Variants in B3GLCT observed in about 807,000 individuals in gnomAD.
B3GLCT encodes beta 3-glucosyltransferase, also known as beta-1,3-glucosyltransferase.
B3GLCT carries 65 observed loss-of-function variants against 63.4 expected under a neutral mutation model. That is an observed-to-expected ratio of 1.03 (90% CI 0.84 to 1.26). The LOEUF (loss-of-function observed/expected upper bound fraction) is 1.26, where lower values mean the gene tolerates loss of function less well. B3GLCT is among the 50% of genes most tolerant of loss of function. B3GLCT has a pLI of 0.00. For synonymous variants in B3GLCT, 233 were observed against 219.2 expected, an observed-to-expected ratio of 1.06 and a Z score of -0.55; for missense variants, 577 against 604.8, an observed-to-expected ratio of 0.95 and a Z score of 0.48.
At chr13:31,252,030 C>A (rs1423503543) in intron 6 of B3GLCT, among the ~76,000 whole-genome samples, 1 of 152,148 alleles carries the variant, frequency 6.6e-6, no homozygotes, top group African/African-American at 2.4e-5. Context: ...CAGCAGAAAC[C>A]CTACAAGCCA....
chr13:31,255,037 CAAAAAA>C (rs59957215), intron 6 of B3GLCT, among the ~76,000 whole-genome samples: 2 of 130,742 alleles, frequency 1.5e-5, no homozygotes, highest in African/African-American at 2.9e-5. Flanking sequence ...GACGCTGTCT[CAAAAAA>C]AAAAAAAAAA....
intron 7 of B3GLCT, among the ~76,000 whole-genome samples, chr13:31,265,687 A>G (rs966511101): frequency 7.5e-4 from 115 of 152,346 alleles, no homozygotes; most frequent in Non-Finnish European, 2.6e-4. Flanking sequence ...TTAACTACCA[A>G]TAAGATGATT....
At chr13:31,205,579 G>A (rs1868909776) in intron 1 of B3GLCT, among the ~76,000 whole-genome samples, 2 of 151,948 alleles carry the variant, frequency 1.3e-5, no homozygotes, top group South Asian at 4.2e-4. Context: ...AAAAGTTGGC[G>A]GGTCTGGCTA....
chr13:31,236,554 G>C (rs1187527673), intron 4 of B3GLCT, among the ~76,000 whole-genome samples: 1 of 152,130 alleles, frequency 6.6e-6, no homozygotes, highest in East Asian at 1.9e-4. Context: ...TTATACGAAG[G>C]TCGGTTATTG....
At chr13:31,329,139 A>G (rs1304547362) in intron 14 of B3GLCT, among the ~76,000 whole-genome samples, 1 of 152,224 alleles carries the variant, frequency 6.6e-6, no homozygotes, top group African/African-American at 2.4e-5. Context: ...TTTCCTTAGA[A>G]GTACCTGGAA....
chr13:31,285,844 C>T (rs1165105869), intron 11 of B3GLCT, among the ~76,000 whole-genome samples: 3 of 152,092 alleles, frequency 2.0e-5, no homozygotes, highest in African/African-American at 7.2e-5. Context: ...CATGTATTTA[C>T]TTATACCTTA....
At chr13:31,312,815 A>G (rs1013020036) in intron 12 of B3GLCT, 2 of 152,270 alleles carry the variant, frequency 1.3e-5, no homozygotes, top group Admixed American at 6.5e-5. Context: ...CAACTAAACT[A>G]AACAAAACCA....
At chr13:31,288,391 C>G (rs560201634) in intron 12 of B3GLCT, among the ~76,000 whole-genome samples, 38 of 152,350 alleles carry the variant, frequency 2.5e-4, no homozygotes, top group Non-Finnish European at 4.9e-4. Flanking sequence ...ACCTAGCCCA[C>G]TGCTCTCATT....
intron 2 of B3GLCT, among the ~76,000 whole-genome samples, chr13:31,222,074 ATTTTTTTTTT>A (rs5802597): frequency 2.5e-4 from 23 of 92,960 alleles, no homozygotes; most frequent in African/African-American, 9.3e-4. Context: ...TGTGCTCCTG[ATTTTTTTTTT>A]TTTTTTTTTT....
At chr13:31,316,665 T>G (rs1875050289) in intron 12 of B3GLCT, among the ~76,000 whole-genome samples, 1 of 151,860 alleles carries the variant, frequency 6.6e-6, no homozygotes, top group African/African-American at 2.4e-5. Context: ...GCTTTTGATT[T>G]TGCAGGCTTA....
chr13:31,265,352 G>A (rs904470188), intron 7 of B3GLCT, among the ~76,000 whole-genome samples: 1 of 152,128 alleles, frequency 6.6e-6, no homozygotes, highest in East Asian at 1.9e-4. Flanking sequence ...AAAGAATGAA[G>A]GGGAAACTCT....
chr13:31,271,795 G>A (rs1049231592), intron 8 of B3GLCT, among the ~76,000 whole-genome samples: 7 of 152,036 alleles, frequency 4.6e-5, no homozygotes, highest in African/African-American at 1.4e-4. Flanking sequence ...TGTAGAAATC[G>A]TCCATAATAA....
chr13:31,316,455 T>TTTCGCTC (rs1875037695), intron 12 of B3GLCT, among the ~76,000 whole-genome samples: 1 of 88,320 alleles, frequency 1.1e-5, no homozygotes, highest in South Asian at 3.9e-4. Context: ...TGAGACGGAG[T>TTTCGCTC]TTCGCTCTTG....
At chr13:31,252,747 A>T (rs1566063756) in intron 6 of B3GLCT, among the ~76,000 whole-genome samples, 1 of 152,170 alleles carries the variant, frequency 6.6e-6, no homozygotes, top group Non-Finnish European at 1.5e-5. Context: ...AGAGACTTAG[A>T]CTCCCACACA....
intron 1 of B3GLCT, among the ~76,000 whole-genome samples, chr13:31,212,559 C>T (rs1566041865): frequency 6.6e-6 from 1 of 152,028 alleles, no homozygotes; most frequent in Non-Finnish European, 1.5e-5. Context: ...AGGCGTGGGC[C>T]ACTGGGTCCG....
chr13:31,323,696 G>A (rs984707563), intron 13 of B3GLCT, 55 bp from the exon 14 acceptor site: 1 of 1,606,858 alleles, frequency 6.2e-7, no homozygotes, highest in Admixed American at 1.7e-5. Flanking sequence ...CATTTGTGCA[G>A]CAGCGGTGTC....
At chr13:31,308,398 A>C (rs541663638) in intron 12 of B3GLCT, among the ~76,000 whole-genome samples, 11 of 149,886 alleles carry the variant, frequency 7.3e-5, no homozygotes, top group African/African-American at 2.7e-4. Context: ...TTACAGATGA[A>C]ATGTATCAGC....
intron 4 of B3GLCT, among the ~76,000 whole-genome samples, chr13:31,244,122 T>A (rs568214989): frequency 6.6e-6 from 1 of 152,250 alleles, no homozygotes. Flanking sequence ...AATGTTGATA[T>A]AACATTTTCT....
chr13:31,309,209 CT>C, intron 12 of B3GLCT, among the ~76,000 whole-genome samples: 1 of 152,372 alleles, frequency 6.6e-6, no homozygotes, highest in Non-Finnish European at 1.5e-5. Flanking sequence ...CTGAGCCATT[CT>C]AGCTAATCCC....
Sources: gnomAD v4.1 joint callset for allele counts (sites outside exome capture counted in the v4.1 genomes callset) on GRCh38, gnomAD v4.1.1 for gene constraint, MANE v1.5 for transcripts, NCBI Gene and HGNC (gene_info 2026-07-23, HGNC 2026-07-21) for gene names.